The following TIAM2 variants were observed in gnomAD, a reference collection of about 807,000 sequenced individuals.
The protein encoded by TIAM2 is rho guanine nucleotide exchange factor TIAM2.
TIAM2 carries 80 observed loss-of-function variants against 152.9 expected under a neutral mutation model. The observed-to-expected ratio is 0.52, with a 90% CI of 0.44 to 0.63. The LOEUF (loss-of-function observed/expected upper bound fraction) is 0.63. Among genes scored for constraint, TIAM2 ranks in the 30% least tolerant of loss-of-function variants. The pLI is 0.00. For synonymous variants in TIAM2, 804 were observed against 838.0 expected (o/e 0.96, Z 0.70); for missense variants, 1,965 against 2,120.1 (o/e 0.93, Z 1.44).
rs1297876192 is a variant in TIAM2, at chr6:155,129,474, A to C, written c.251A>C (p.Lys84Thr). Residue 84 changes from lysine to threonine, a missense_variant, in exon 4 of 27, where the codon AAG becomes ACG. By Grantham distance (78) the Lys-to-Thr change is moderately conservative. Coordinates refer to ENST00000682666, the MANE Select transcript of TIAM2 (RefSeq NM_012454.4). The surrounding 1 kb of genome is among the most constrained non-coding windows in gnomAD (Gnocchi z 4.8). Reference sequence around the variant, plus strand: ...TCGAGACTCGGTGGCCCCACATGCAAGGTCTCCAGAGGTGTTGCCTACTCC... The same window carrying C: ...TCGAGACTCGGTGGCCCCACATGCACGGTCTCCAGAGGTGTTGCCTACTCC... The part of the protein sequence containing the change: ...YASRLGGPTC[K>T]VSRGVAYSTH... 1 of 1,614,060 alleles carries C rather than the reference A, an allele frequency of 6.2e-7. No individual in the cohort carries two copies. The highest frequency in any genetic ancestry group is 2.2e-5 in the East Asian group (1 of 44,858).
At chr6:155,026,191 A>G (rs1776598269) in intron 1 of TIAM2, among the ~76,000 whole-genome samples, 1 of 152,278 alleles carries the variant, frequency 6.6e-6, no homozygotes, top group East Asian at 1.9e-4. Context: ...AAGAACTTCT[A>G]ATGAGAGGAA....
At chr6:155,039,951 C>G (rs986919520) in intron 1 of TIAM2, among the ~76,000 whole-genome samples, 6 of 152,170 alleles carry the variant, frequency 3.9e-5, no homozygotes, top group African/African-American at 1.4e-4. Context: ...AACTATAGTT[C>G]CTGTTTAATG....
In TIAM2 at chr6:155,112,864, G is replaced by A. The variant is rs540786003; in HGVS notation, c.-117-14626G>A. ...GCCCTCCAGAGCTTCAGCTGTGTCC[G>A]GAGGCAGCCTCCTCCCCTACCACCC... On this transcript the variant is annotated intron_variant, in intron 2 of 26. Coordinates refer to ENST00000682666, the MANE Select transcript of TIAM2 (RefSeq NM_012454.4). 5.1e-4 allele frequency among the ~76,000 whole-genome samples: 78 copies of A among 152,062 alleles called. 3 individuals carry two copies. The highest frequency in any genetic ancestry group is 1.7e-3 in the African/African-American group (69 of 41,498).
At chr6:155,006,203 C>A (rs1161629071) in intron 1 of TIAM2, among the ~76,000 whole-genome samples, 1 of 152,140 alleles carries the variant, frequency 6.6e-6, no homozygotes, top group African/African-American at 2.4e-5. Flanking sequence ...GAGTGCCTAC[C>A]AAGTCCCTGA....
At chr6:155,067,012 C>T (rs982596215) in intron 1 of TIAM2, among the ~76,000 whole-genome samples, 6 of 152,198 alleles carry the variant, frequency 3.9e-5, no homozygotes, top group African/African-American at 1.4e-4. Context: ...CCGCTTCGGT[C>T]TTCCAGAGAG....
intron 1 of TIAM2, among the ~76,000 whole-genome samples, chr6:155,072,645 G>A (rs991315518): frequency 3.3e-5 from 5 of 152,158 alleles, no homozygotes; most frequent in Non-Finnish European, 5.9e-5. Context: ...TGGTAGGTGG[G>A]TAAGTGGGTC....
At chr6:155,047,161 G>C (rs909839700) in intron 1 of TIAM2, among the ~76,000 whole-genome samples, 1 of 152,050 alleles carries the variant, frequency 6.6e-6, no homozygotes. Flanking sequence ...TGATTGTCCA[G>C]CACCTGAAGT....
At chr6:155,194,176 G>A (rs1275418605) in intron 14 of TIAM2, among the ~76,000 whole-genome samples, 1 of 152,214 alleles carries the variant, frequency 6.6e-6, no homozygotes, top group Non-Finnish European at 1.5e-5. Flanking sequence ...CGTTCCAGGC[G>A]CAGAGAAGCC....
intron 1 of TIAM2, among the ~76,000 whole-genome samples, chr6:155,033,692 C>T (rs1413715614): frequency 2.0e-5 from 3 of 151,774 alleles, no homozygotes; most frequent in Non-Finnish European, 4.4e-5. Flanking sequence ...GGGCCAGCTC[C>T]TTTCTCTTGG....
At chr6:155,087,011 C>T (rs931093187) in intron 1 of TIAM2, among the ~76,000 whole-genome samples, 2 of 152,060 alleles carry the variant, frequency 1.3e-5, no homozygotes, top group Admixed American at 6.5e-5. Context: ...GAAATAATTG[C>T]GAGGCAATTG....
rs33971396 is a variant in TIAM2 at position 155,038,953 on chromosome 6, CTTTTTTTT to C, written c.-209+43478_-209+43485del. On this transcript the variant is annotated intron_variant, in intron 1 of 26. Coordinates refer to ENST00000682666, the MANE Select transcript of TIAM2 (RefSeq NM_012454.4). ...CGGAGCGAGAGCCTGTGAGCATGTC[CTTTTTTTT>C]TTTTTTTTTTTTTTTTGGCGATAGG... Among the ~76,000 whole-genome samples, 4 of 64,186 alleles carry C rather than the reference CTTTTTTTT, an allele frequency of 6.2e-5. No individual in the cohort carries two copies. In the South Asian group the frequency reaches 1.9e-3, roughly 31 times the overall value. The allele number at this position is 64,186 out of a possible 152,430, so 42.1% of individuals were successfully genotyped here. A position where few individuals can be genotyped will look rare whatever the true frequency, so the allele number is the denominator to read the frequency against.
At chr6:155,204,441 A>T (rs1277159651) in intron 14 of TIAM2, among the ~76,000 whole-genome samples, 1 of 152,164 alleles carries the variant, frequency 6.6e-6, no homozygotes, top group African/African-American at 2.4e-5. Context: ...GGTGCCATTT[A>T]CATATGGAGT....
intron 4 of TIAM2, among the ~76,000 whole-genome samples, chr6:155,134,999 C>T (rs1779526893): frequency 1.3e-5 from 2 of 151,938 alleles, no homozygotes; most frequent in African/African-American, 2.4e-5. Flanking sequence ...GCCACCGAGC[C>T]CAGCCAGGAG....
chr6:155,226,272 C>T (rs1021429739), intron 15 of TIAM2, among the ~76,000 whole-genome samples: 7 of 152,196 alleles, frequency 4.6e-5, no homozygotes, highest in African/African-American at 1.7e-4. Flanking sequence ...TCATAAGATA[C>T]TAATGTACCA....
At chr6:155,158,017 A>T (rs544979393) in intron 7 of TIAM2, among the ~76,000 whole-genome samples, 1 of 152,220 alleles carries the variant, frequency 6.6e-6, no homozygotes, top group East Asian at 1.9e-4. Context: ...AGTGTCATCT[A>T]TGTCACTAGC....
rs530985326 is a variant in TIAM2 at position 155,254,351 on chromosome 6, C to T, written c.4314-68C>T. ...CAGGTGCAAGGCACAGGAACACAGG[C>T]GGGCGTGGAATGGAAGCACGATGAA... On this transcript the variant is annotated intron_variant, in intron 25 of 26. Coordinates refer to ENST00000682666, the MANE Select transcript of TIAM2 (RefSeq NM_012454.4). 20 of 1,566,104 alleles carry T rather than the reference C, an allele frequency of 1.3e-5. No homozygotes were observed. The East Asian group carries it at 1.4e-4, about 11-fold the overall frequency.
At chr6:155,194,060 G>A (rs1054554960) in intron 14 of TIAM2, among the ~76,000 whole-genome samples, 107 of 152,226 alleles carry the variant, frequency 7.0e-4, no homozygotes, top group African/African-American at 2.6e-3. Flanking sequence ...CAGCAACACA[G>A]AGGAGCAGAA....
chr6:155,222,536 G>A lies in TIAM2; in HGVS notation c.3168+11229G>A, dbSNP rs183242500. Among the ~76,000 whole-genome samples, 1,361 of 151,884 alleles carry A rather than the reference G, an allele frequency of 9.0e-3. 18 individuals are homozygous for A. Among genetic ancestry groups the A allele is most frequent in the African/African-American group, 0.031 (1,286 of 41,428 alleles). On this transcript the variant is annotated intron_variant, in intron 15 of 26. Coordinates refer to ENST00000682666, the MANE Select transcript of TIAM2 (RefSeq NM_012454.4). ...GAACTGCTTAAGCCCAGGAGGCAGAGGTTGCAGTGAGCCAAGACTGCACCA... is the reference window on the plus strand; with the variant it reads ...GAACTGCTTAAGCCCAGGAGGCAGAAGTTGCAGTGAGCCAAGACTGCACCA...
intron 9 of TIAM2, among the ~76,000 whole-genome samples, chr6:155,167,331 C>T (rs769771685): frequency 6.6e-5 from 10 of 152,206 alleles, no homozygotes; most frequent in Admixed American, 2.6e-4. Context: ...AAGCAATTCT[C>T]GTGCCTCAGC....
Sources: allele counts gnomAD v4.1 joint callset (sites outside exome capture counted in the v4.1 genomes callset), GRCh38; gene constraint gnomAD v4.1.1; non-coding constraint Gnocchi (gnomAD v3.1); transcripts MANE v1.5; gene names NCBI Gene and HGNC (gene_info 2026-07-23, HGNC 2026-07-21).